Variants in ZNF385D observed in about 807,000 individuals in gnomAD.
ZNF385D encodes zinc finger protein 659.
A neutral mutation model predicts 35.8 loss-of-function variants in ZNF385D; 15 were observed. The observed-to-expected ratio is 0.42, with a 90% CI of 0.28 to 0.64. ZNF385D has a LOEUF of 0.64. Among genes scored for constraint, ZNF385D ranks in the 30% least tolerant of loss-of-function variants. ZNF385D has a pLI of 0.23. For missense variants in ZNF385D, 474 were observed against 494.6 expected, an observed-to-expected ratio of 0.96 and a Z score of 0.39; for synonymous variants, 212 against 186.8, an observed-to-expected ratio of 1.13 and a Z score of -1.10.
chr3:22,183,969 G>C (rs1290165012), intron 2 of ZNF385D, among the ~76,000 whole-genome samples: 4 of 151,952 alleles, frequency 2.6e-5, no homozygotes, highest in East Asian at 3.9e-4. Flanking sequence ...AAGAAATGTA[G>C]GGTACAAAAC....
chr3:21,720,949 G>C (rs1198097698), intron 1 of ZNF385D, among the ~76,000 whole-genome samples: 2 of 152,168 alleles, frequency 1.3e-5, no homozygotes, highest in African/African-American at 4.8e-5. Context: ...CTTGATAATG[G>C]AGCAGGGAGA....
chr3:22,125,923 C>G (rs1365012150), intron 3 of ZNF385D, among the ~76,000 whole-genome samples: 1 of 152,102 alleles, frequency 6.6e-6, no homozygotes, highest in Non-Finnish European at 1.5e-5. Flanking sequence ...TTCCCTGATT[C>G]ATCTAGCTGA....
intron 3 of ZNF385D, among the ~76,000 whole-genome samples, chr3:21,891,322 T>G (rs1411061852): frequency 1.3e-5 from 2 of 151,940 alleles, no homozygotes; most frequent in South Asian, 4.2e-4. Context: ...AGATCACAGG[T>G]AAAAAAAATA....
intron 3 of ZNF385D, among the ~76,000 whole-genome samples, chr3:21,946,406 C>A (rs1701785696): frequency 6.6e-6 from 1 of 152,174 alleles, no homozygotes; most frequent in South Asian, 2.1e-4. Flanking sequence ...GTAGGCATTG[C>A]AAAGTTGAAA....
rs573655091 is a variant in ZNF385D, at chr3:22,287,079, C to T, written c.106+85371G>A. Among the ~76,000 whole-genome samples the T allele has an allele frequency of 2.8e-4, 42 of 152,034 alleles. No homozygotes were observed. The East Asian group carries it at 5.0e-3, about 18-fold the overall frequency. On this transcript the variant is annotated intron_variant, in intron 2 of 5. Coordinates refer to the ZNF385D transcript ENST00000494108. ...CTGATGTTGGGTACATATGTATTTACGATTGCTATATTTTGTTGGTGAAGT... is the reference window on the plus strand; with the variant it reads ...CTGATGTTGGGTACATATGTATTTATGATTGCTATATTTTGTTGGTGAAGT...
intron 3 of ZNF385D, among the ~76,000 whole-genome samples, chr3:21,560,818 T>A (rs1365554057): frequency 6.6e-6 from 1 of 152,180 alleles, no homozygotes; most frequent in Non-Finnish European, 1.5e-5. Context: ...CTGGGGCTGC[T>A]GCCTTTTTTT....
Position 22,101,709 on chromosome 3 carries a change from T to C in ZNF385D, c.325+67108A>G, listed in dbSNP as rs574340366. ...GCTACAAACCTCGGAAAGGATTCTC[T>C]GGCAAAAATAAAACCAAGTCAGCAG... On this transcript the variant is annotated intron_variant, in intron 3 of 5. Coordinates refer to the ZNF385D transcript ENST00000494108. Among the ~76,000 whole-genome samples the C allele has an allele frequency of 3.4e-3, 520 of 152,074 alleles. 6 individuals carry two copies. Among genetic ancestry groups the C allele is most frequent in the African/African-American group, 0.011 (446 of 41,502 alleles).
At chr3:21,853,672 G>A (rs1375821073) in intron 3 of ZNF385D, among the ~76,000 whole-genome samples, 1 of 151,574 alleles carries the variant, frequency 6.6e-6, no homozygotes, top group Non-Finnish European at 1.5e-5. Flanking sequence ...TTTGAGCCTC[G>A]ATTTTATTAC....
At chr3:21,863,548 A>G (rs1559701786) in intron 3 of ZNF385D, among the ~76,000 whole-genome samples, 1 of 152,116 alleles carries the variant, frequency 6.6e-6, no homozygotes, top group Non-Finnish European at 1.5e-5. Context: ...AAGGTTTTAA[A>G]CCTATGTTTC....
At chr3:21,451,812 A>G (rs1251101370) in intron 4 of ZNF385D, among the ~76,000 whole-genome samples, 4 of 152,108 alleles carry the variant, frequency 2.6e-5, no homozygotes, top group African/African-American at 7.2e-5. Flanking sequence ...GGAGAAAACT[A>G]GCTCATTGAT....
At chr3:22,226,811 T>C (rs1698584837) in intron 2 of ZNF385D, among the ~76,000 whole-genome samples, 1 of 152,198 alleles carries the variant, frequency 6.6e-6, no homozygotes, top group African/African-American at 2.4e-5. Context: ...CATTTGATTA[T>C]ATGACATTAG....
intron 2 of ZNF385D, among the ~76,000 whole-genome samples, chr3:22,311,403 T>C (rs1462694544): frequency 2.0e-5 from 3 of 152,072 alleles, no homozygotes; most frequent in Admixed American, 2.0e-4. Flanking sequence ...TCCAGTATTC[T>C]ACTACTTTAA....
At chr3:22,033,182 G>A (rs1373666257) in intron 3 of ZNF385D, among the ~76,000 whole-genome samples, 1 of 151,922 alleles carries the variant, frequency 6.6e-6, no homozygotes, top group African/African-American at 2.4e-5. Context: ...CAGGTCGATA[G>A]CTTGAGCTCA....
At chr3:21,925,677 T>A (rs9830105) in intron 3 of ZNF385D, among the ~76,000 whole-genome samples, 4,585 of 152,140 alleles carry the variant, frequency 0.03, 227 homozygotes, top group African/African-American at 0.1. Context: ...TGTAAAGATG[T>A]TGAGTGGATA....
rs1449409059 is a variant in ZNF385D, at chr3:22,207,334, A to G, written c.107-38299T>C. Among the ~76,000 whole-genome samples the G allele has an allele frequency of 2.0e-5, 3 of 152,052 alleles. No individual in the cohort carries two copies. In the East Asian group the frequency reaches 5.8e-4, roughly 29 times the overall value. ...AACAAAGGTGTCAAGAGCATATTAC[A>G]CTGGGAAAAGCACAATATCATCAGT... is the stretch of plus-strand genomic sequence containing the variant. On this transcript the variant is annotated intron_variant, in intron 2 of 5. Transcript: ENST00000494108.
In ZNF385D at chr3:21,417,383, T is replaced by C. The variant is rs1395401285; in HGVS notation, c.*3831A>G. 2 of 152,086 alleles carry C rather than the reference T, an allele frequency of 1.3e-5. No individual in the cohort carries two copies. Among genetic ancestry groups the C allele is most frequent in the African/African-American group, 4.8e-5 (2 of 41,430 alleles). 9.4% of individuals were successfully genotyped at this position (152,086 alleles called of 1,614,324 possible). A position where few individuals can be genotyped will look rare whatever the true frequency, so the allele number is the denominator to read the frequency against. ...ACTCTGGCTACTCTAAGGCTCCTCA[T>C]TGCTTTTCCCACCACTTCATGCGGC... is the stretch of plus-strand genomic sequence containing the variant. On this transcript the variant is annotated 3_prime_UTR_variant, in exon 8 of 8. Transcript: ENST00000281523.
chr3:22,226,690 G>A (rs1340528680), intron 2 of ZNF385D, among the ~76,000 whole-genome samples: 2 of 152,036 alleles, frequency 1.3e-5, no homozygotes, highest in East Asian at 1.9e-4. Context: ...TGAAGTCTAG[G>A]TCATCCATTT....
intron 3 of ZNF385D, among the ~76,000 whole-genome samples, chr3:21,767,361 G>C (rs1195507307): frequency 1.4e-5 from 2 of 139,830 alleles, no homozygotes; most frequent in Admixed American, 7.4e-5. Context: ...ACTTGTCTCT[G>C]ACAAATTTTA....
At chr3:21,919,111 T>C (rs1041140784) in intron 3 of ZNF385D, among the ~76,000 whole-genome samples, 5 of 152,234 alleles carry the variant, frequency 3.3e-5, no homozygotes, top group African/African-American at 1.2e-4. Flanking sequence ...CTTTCTCTGA[T>C]AGTGTTATTA....
Sources: gnomAD v4.1 joint callset for allele counts (sites outside exome capture counted in the v4.1 genomes callset) on GRCh38, gnomAD v4.1.1 for gene constraint, MANE v1.5 for transcripts, NCBI Gene and HGNC (gene_info 2026-07-23, HGNC 2026-07-21) for gene names.